Variants in PRELID2 observed in about 807,000 individuals in gnomAD.
PRELID2 encodes PRELI domain containing 2.
Under a neutral mutation model 28.4 loss-of-function variants are expected in PRELID2, and 25 were observed. That is an observed-to-expected ratio of 0.88 (90% confidence interval 0.64 to 1.23). PRELID2 has a LOEUF of 1.23. Ranked by LOEUF, PRELID2 falls within the 50% of genes most tolerant of loss-of-function variation. PRELID2 has a pLI of 0.00. For missense variants in PRELID2, 201 were observed against 214.4 expected (o/e 0.94, Z 0.39); for synonymous variants, 76 against 71.6 (o/e 1.06, Z -0.31).
At chr5:145,533,511 G>A (rs2126663875) in intron 1 of PRELID2, among the ~76,000 whole-genome samples, 1 of 152,100 alleles carries the variant, frequency 6.6e-6, no homozygotes. Flanking sequence ...ACACTTTACT[G>A]GGTATTACAT....
chr5:145,507,062 C>G (rs748853265), intron 1 of PRELID2, among the ~76,000 whole-genome samples: 9 of 152,166 alleles, frequency 5.9e-5, no homozygotes, highest in Non-Finnish European at 1.2e-4. Flanking sequence ...ACTAGAGCAT[C>G]ACTTAGCATA....
chr5:145,543,069 CCT>C (rs921769353), intron 1 of PRELID2, among the ~76,000 whole-genome samples: 1 of 152,096 alleles, frequency 6.6e-6, no homozygotes, highest in African/African-American at 2.4e-5. Flanking sequence ...TCATTGTTGA[CCT>C]CCTCAGGGAG....
intron 1 of PRELID2, among the ~76,000 whole-genome samples, chr5:145,722,006 G>A (rs1468508497): frequency 6.6e-6 from 1 of 152,136 alleles, no homozygotes; most frequent in African/African-American, 2.4e-5. Context: ...GCTAAAAATA[G>A]ACTTTAGTAT....
intron 1 of PRELID2, among the ~76,000 whole-genome samples, chr5:145,551,931 T>A (rs1020236690): frequency 2.6e-5 from 4 of 152,056 alleles, no homozygotes; most frequent in Admixed American, 2.6e-4. Context: ...GGGCAATACA[T>A]ACCCCAACCT....
intron 1 of PRELID2, among the ~76,000 whole-genome samples, chr5:145,722,276 A>C (rs1348460842): frequency 6.6e-6 from 1 of 152,186 alleles, no homozygotes; most frequent in Non-Finnish European, 1.5e-5. Context: ...ATGATAATTC[A>C]AAATTTAAAA....
At chr5:145,751,789 C>T (rs1278745366), downstream of PRELID2, among the ~76,000 whole-genome samples, 1 of 152,150 alleles carries the variant, frequency 6.6e-6, no homozygotes, top group Non-Finnish European at 1.5e-5. Context: ...TAAAACCAGC[C>T]TGGCCAACAT....
intron 1 of PRELID2, among the ~76,000 whole-genome samples, chr5:145,730,545 A>G (rs1228592026): frequency 6.6e-6 from 1 of 152,238 alleles, no homozygotes; most frequent in African/African-American, 2.4e-5. Flanking sequence ...GGTTGGAAGA[A>G]GTACAAAAGC....
chr5:145,335,478 G>A, the PRELID2 span, among the ~76,000 whole-genome samples: 1 of 151,758 alleles, frequency 6.6e-6, no homozygotes, highest in Non-Finnish European at 1.5e-5. Context: ...TTTCTTTAAT[G>A]TCAATTACTA....
At chr5:145,772,759 G>T (rs1758188121) in intron 5 of PRELID2, among the ~76,000 whole-genome samples, 2 of 152,216 alleles carry the variant, frequency 1.3e-5, no homozygotes, top group South Asian at 4.1e-4. Context: ...TACATAGCAA[G>T]AGCTTTTCTT....
chr5:145,698,000 A>G (rs1755319166), intron 1 of PRELID2, among the ~76,000 whole-genome samples: 1 of 151,664 alleles, frequency 6.6e-6, no homozygotes, highest in African/African-American at 2.4e-5. Context: ...AAAAATATAT[A>G]TATATATATA....
the PRELID2 span, among the ~76,000 whole-genome samples, chr5:145,341,454 C>T: frequency 4.6e-5 from 7 of 151,976 alleles, no homozygotes; most frequent in South Asian, 2.1e-4. Context: ...GGATGAGAAT[C>T]GCTTGAACCT....
the PRELID2 span, among the ~76,000 whole-genome samples, chr5:145,432,748 T>C: frequency 1.8e-4 from 28 of 152,276 alleles, no homozygotes; most frequent in African/African-American, 6.5e-4. Flanking sequence ...GGCTTTGTGT[T>C]TTGAAGCCAT....
At chr5:145,636,713 T>C (rs1486053324) in intron 1 of PRELID2, among the ~76,000 whole-genome samples, 1 of 152,206 alleles carries the variant, frequency 6.6e-6, no homozygotes, top group Non-Finnish European at 1.5e-5. Context: ...ATGAAAATAT[T>C]CTTTCAGAGT....
the PRELID2 span, among the ~76,000 whole-genome samples, chr5:145,249,261 A>G: frequency 6.6e-6 from 1 of 152,164 alleles, no homozygotes; most frequent in Admixed American, 6.6e-5. Flanking sequence ...CTTGTTAGTC[A>G]ATAACTATTT....
the PRELID2 span, among the ~76,000 whole-genome samples, chr5:145,373,296 A>G: frequency 3.2e-4 from 33 of 103,402 alleles, no homozygotes; most frequent in African/African-American, 1.2e-3. Flanking sequence ...TACAACATAT[A>G]TAATATACGA....
chr5:145,407,665 G>A, the PRELID2 span, among the ~76,000 whole-genome samples: 1 of 152,126 alleles, frequency 6.6e-6, no homozygotes, highest in Admixed American at 6.5e-5. Flanking sequence ...CTGCTCTCTT[G>A]AAAGAGTCAC....
At chr5:145,455,813 C>T in the PRELID2 span, among the ~76,000 whole-genome samples, 1 of 152,274 alleles carries the variant, frequency 6.6e-6, no homozygotes, top group South Asian at 2.1e-4. Flanking sequence ...ACCCCTTGCA[C>T]TTCCTGGGTG....
Position 145,796,606 on chromosome 5 carries a change from A to G in PRELID2, c.369-59T>C, listed in dbSNP as rs928744234. Reference sequence around the variant, plus strand: ...CATTCTATGCTTGGATATGTAAACGACAGACATTTCTAGCTGCATAATTAC... The same window carrying G: ...CATTCTATGCTTGGATATGTAAACGGCAGACATTTCTAGCTGCATAATTAC... On this transcript the variant is annotated intron_variant, in intron 4 of 6. Coordinates refer to ENST00000683046, the MANE Select transcript of PRELID2 (RefSeq NM_205846.3). 9.6e-6 allele frequency: 10 copies of G among 1,040,042 alleles called. No individual in the cohort carries two copies. In the African/African-American group the frequency reaches 1.5e-4, roughly 15 times the overall value. 64.4% of individuals were successfully genotyped at this position (1,040,042 alleles called of 1,614,324 possible). A position where few individuals can be genotyped will look rare whatever the true frequency, so the allele number is the denominator to read the frequency against.
chr5:145,680,330 A>T (rs1389905633), intron 1 of PRELID2, among the ~76,000 whole-genome samples: 1 of 152,228 alleles, frequency 6.6e-6, no homozygotes, highest in African/African-American at 2.4e-5. Flanking sequence ...TTTGTGGATG[A>T]TGTAGAACTT....
Sources: gnomAD v4.1 joint callset for allele counts (sites outside exome capture counted in the v4.1 genomes callset) on GRCh38, gnomAD v4.1.1 for gene constraint, MANE v1.5 for transcripts, NCBI Gene and HGNC (gene_info 2026-07-23, HGNC 2026-07-21) for gene names.